DAB1: variants seen among roughly 807,000 people sequenced by gnomAD.
The protein encoded by DAB1 is disabled homolog 1.
DAB1 carries 15 observed loss-of-function variants against 64.6 expected under a neutral mutation model. That is an observed-to-expected ratio of 0.23 (90% CI 0.16 to 0.36). The LOEUF (loss-of-function observed/expected upper bound fraction) is 0.36. Ranked by LOEUF, DAB1 falls within the 10% of genes least tolerant of loss-of-function variation. DAB1 has a pLI of 1.00. For missense variants in DAB1, 596 were observed against 706.7 expected, an observed-to-expected ratio of 0.84 and a Z score of 1.78; for synonymous variants, 235 against 251.9, an observed-to-expected ratio of 0.93 and a Z score of 0.64.
intron 5 of DAB1, among the ~76,000 whole-genome samples, chr1:57,975,494 C>T (rs1309890015): frequency 1.3e-5 from 2 of 152,020 alleles, no homozygotes; most frequent in Non-Finnish European, 2.9e-5. Context: ...GTTATTTAGG[C>T]TAGGAGGAGT....
intron 1 of DAB1, among the ~76,000 whole-genome samples, chr1:57,849,501 A>G (rs944715535): frequency 6.6e-6 from 1 of 152,196 alleles, no homozygotes; most frequent in African/African-American, 2.4e-5. Context: ...TTCAGATCCA[A>G]TAGGATCTGG....
At chr1:58,258,304 G>A (rs1297337544) in intron 4 of DAB1, among the ~76,000 whole-genome samples, 2 of 152,104 alleles carry the variant, frequency 1.3e-5, no homozygotes, top group Admixed American at 1.3e-4. Context: ...TCAGTTGTTC[G>A]GTCCAATCTG....
At chr1:57,005,862 G>A (rs1258846317) in intron 14 of DAB1, among the ~76,000 whole-genome samples, 4 of 152,172 alleles carry the variant, frequency 2.6e-5, no homozygotes, top group Admixed American at 6.5e-5. Context: ...GTGTTCCTGT[G>A]AGGATTAAAT....
chr1:58,480,158 C>T (rs1246384659), intron 3 of DAB1, among the ~76,000 whole-genome samples: 1 of 152,110 alleles, frequency 6.6e-6, no homozygotes, highest in Non-Finnish European at 1.5e-5. Context: ...TTCCTCCAGT[C>T]GTCTTGTTGA....
At chr1:57,831,140 C>G (rs537615553) in intron 1 of DAB1, among the ~76,000 whole-genome samples, 1 of 152,260 alleles carries the variant, frequency 6.6e-6, no homozygotes, top group East Asian at 1.9e-4. Context: ...GTCTTGATCT[C>G]CTGACCCCGT....
intron 1 of DAB1, among the ~76,000 whole-genome samples, chr1:57,414,593 C>T (rs1463276097): frequency 6.6e-6 from 1 of 152,056 alleles, no homozygotes; most frequent in Non-Finnish European, 1.5e-5. Context: ...TGGAACCAGC[C>T]GTATCTCCCA....
chr1:57,009,968 G>C (rs1646213506), intron 14 of DAB1, among the ~76,000 whole-genome samples: 1 of 152,200 alleles, frequency 6.6e-6, no homozygotes, highest in South Asian at 2.1e-4. Flanking sequence ...TCAGAAGTGA[G>C]TGCTACACAT....
intron 6 of DAB1, among the ~76,000 whole-genome samples, chr1:57,771,351 A>G (rs1379457211): frequency 6.6e-6 from 1 of 151,430 alleles, no homozygotes; most frequent in Non-Finnish European, 1.5e-5. Flanking sequence ...ATTAGCAACC[A>G]TGAAATAAAT....
At chr1:57,059,928 C>T (rs1388273448) in intron 9 of DAB1, among the ~76,000 whole-genome samples, 3 of 151,996 alleles carry the variant, frequency 2.0e-5, no homozygotes, top group Non-Finnish European at 2.9e-5. Context: ...TCATCATTAC[C>T]ATCAGTTGGT....
chr1:57,439,434 T>TTTTTTGTTTTTTTTTG (rs1558381562), intron 7 of DAB1, among the ~76,000 whole-genome samples: 2 of 133,316 alleles, frequency 1.5e-5, no homozygotes, highest in East Asian at 4.6e-4. Context: ...TCTTTTTTTT[T>TTTTTTGTTTTTTTTTG]TTTTTTTTTT....
intron 6 of DAB1, among the ~76,000 whole-genome samples, chr1:57,771,287 G>C (rs569067815): frequency 6.6e-6 from 1 of 152,030 alleles, no homozygotes; most frequent in Non-Finnish European, 1.5e-5. Flanking sequence ...AAAGCTACAA[G>C]GCCAGCAAAA....
chr1:58,352,558 C>T (rs1644068200), intron 3 of DAB1, among the ~76,000 whole-genome samples: 1 of 151,978 alleles, frequency 6.6e-6, no homozygotes, highest in Non-Finnish European at 1.5e-5. Context: ...TCTAATTTTC[C>T]AAACTCCACT....
chr1:57,486,005 C>T (rs1375283843), intron 7 of DAB1, among the ~76,000 whole-genome samples: 1 of 152,188 alleles, frequency 6.6e-6, no homozygotes, highest in Non-Finnish European at 1.5e-5. Flanking sequence ...GCCCTGCTCA[C>T]CCCTTCCAGG....
chr1:58,335,220 A>G (rs1663085010), intron 4 of DAB1, among the ~76,000 whole-genome samples: 2 of 152,216 alleles, frequency 1.3e-5, no homozygotes, highest in South Asian at 4.1e-4. Flanking sequence ...GCAAAGTCCA[A>G]GGCCTTGAGG....
chr1:58,085,436 T>C (rs1157434802), intron 5 of DAB1, among the ~76,000 whole-genome samples: 1 of 152,048 alleles, frequency 6.6e-6, no homozygotes, highest in African/African-American at 2.4e-5. Flanking sequence ...GGCATGATCA[T>C]AGCTCATTGC....
intron 7 of DAB1, among the ~76,000 whole-genome samples, chr1:57,541,127 CTTTCT>C (rs1644797807): frequency 6.6e-6 from 1 of 150,460 alleles, no homozygotes; most frequent in African/African-American, 2.5e-5. Context: ...AAAAACTTTT[CTTTCT>C]TTTTTTTTTT....
At chr1:57,982,047 C>T (rs1570154509) in intron 5 of DAB1, among the ~76,000 whole-genome samples, 2 of 152,280 alleles carry the variant, frequency 1.3e-5, no homozygotes, top group South Asian at 4.1e-4. Flanking sequence ...CACTGGTCTA[C>T]AGAGTTGCCC....
At chr1:58,152,228 T>C (rs1654985156) in intron 4 of DAB1, among the ~76,000 whole-genome samples, 1 of 152,114 alleles carries the variant, frequency 6.6e-6, no homozygotes, top group Non-Finnish European at 1.5e-5. Context: ...ATACCCCCCA[T>C]TCTACAAGCT....
chr1:58,092,270 T>C (rs1650712233), intron 5 of DAB1, among the ~76,000 whole-genome samples: 1 of 151,388 alleles, frequency 6.6e-6, no homozygotes, highest in Admixed American at 6.6e-5. Context: ...AGCAGGGGCA[T>C]TGCAGCGAGT....
Sources: gnomAD v4.1 joint callset for allele counts (sites outside exome capture counted in the v4.1 genomes callset) on GRCh38, gnomAD v4.1.1 for gene constraint, MANE v1.5 for transcripts, NCBI Gene and HGNC (gene_info 2026-07-23, HGNC 2026-07-21) for gene names.